Variants in PPP3CA observed in about 807,000 individuals in gnomAD.
The protein encoded by PPP3CA is CAM-PRP catalytic subunit.
A neutral mutation model predicts 66.5 loss-of-function variants in PPP3CA; 14 were observed. That is an observed-to-expected ratio of 0.21 (90% confidence interval 0.14 to 0.33). The LOEUF (loss-of-function observed/expected upper bound fraction) is 0.33, where lower values mean the gene tolerates loss of function less well. Among genes scored for constraint, PPP3CA ranks in the 10% least tolerant of loss-of-function variants. PPP3CA has a pLI of 1.00. For missense variants in PPP3CA, 317 were observed against 639.5 expected, an observed-to-expected ratio of 0.50 and a Z score of 5.44; for synonymous variants, 232 against 226.2, an observed-to-expected ratio of 1.03 and a Z score of -0.23.
intron 1 of PPP3CA, among the ~76,000 whole-genome samples, chr4:101,307,504 T>C (rs1450836701): frequency 1.3e-5 from 2 of 152,184 alleles, no homozygotes; most frequent in Non-Finnish European, 2.9e-5. Flanking sequence ...CTCTAATATA[T>C]ACAGATAAAG....
At chr4:101,243,825 G>A (rs1446680205) in intron 1 of PPP3CA, among the ~76,000 whole-genome samples, 1 of 152,010 alleles carries the variant, frequency 6.6e-6, no homozygotes, top group African/African-American at 2.4e-5. Flanking sequence ...TGTGGTCTTG[G>A]GTAGTTATTC....
intron 1 of PPP3CA, among the ~76,000 whole-genome samples, chr4:101,226,408 C>T (rs1725783390): frequency 6.6e-6 from 1 of 151,684 alleles, no homozygotes; most frequent in African/African-American, 2.4e-5. Flanking sequence ...GGCTTCTGTG[C>T]AATACGTAGT....
At chr4:101,250,600 C>T (rs1222221781) in intron 1 of PPP3CA, among the ~76,000 whole-genome samples, 3 of 152,104 alleles carry the variant, frequency 2.0e-5, no homozygotes, top group African/African-American at 7.2e-5. Flanking sequence ...ATTTTTCCCA[C>T]ATACTTTTGA....
chr4:101,284,040 C>CATATGA (rs1157370084), intron 1 of PPP3CA, among the ~76,000 whole-genome samples: 2 of 152,102 alleles, frequency 1.3e-5, no homozygotes, highest in Non-Finnish European at 2.9e-5. Flanking sequence ...CTATTGACTA[C>CATATGA]CATGCTGGAT....
At chr4:101,076,557 C>T (rs1729200874) in intron 8 of PPP3CA, among the ~76,000 whole-genome samples, 1 of 152,140 alleles carries the variant, frequency 6.6e-6, no homozygotes, top group South Asian at 2.1e-4. Context: ...GAAACGCAGA[C>T]TGGAGTGGGT....
chr4:101,218,760 G>T lies in PPP3CA; in HGVS notation c.59-22644C>A, dbSNP rs559079101. Among the ~76,000 whole-genome samples, 11 of 152,122 alleles carry T rather than the reference G, an allele frequency of 7.2e-5. No individual in the cohort carries two copies. In the East Asian group the frequency reaches 2.1e-3, roughly 29 times the overall value. On this transcript the variant is annotated intron_variant, in intron 1 of 13. Coordinates refer to ENST00000394854, the MANE Select transcript of PPP3CA (RefSeq NM_000944.5). ...GCAAACTACTCTCTGAGAAAAAAAA[G>T]AATAGAGACCTAAAATGAAGTAAAT... is the stretch of plus-strand genomic sequence containing the variant.
chr4:101,032,693 A>G (rs1727033958), intron 11 of PPP3CA, among the ~76,000 whole-genome samples: 1 of 152,178 alleles, frequency 6.6e-6, no homozygotes, highest in Admixed American at 6.5e-5. Context: ...TGCATTCTGT[A>G]TGTTAAAAGT....
intron 2 of PPP3CA, among the ~76,000 whole-genome samples, chr4:101,134,432 G>A (rs1722548586): frequency 1.3e-5 from 2 of 152,180 alleles, no homozygotes; most frequent in Admixed American, 6.5e-5. Context: ...TGAAGGATAT[G>A]AACAGACACT....
intron 1 of PPP3CA, among the ~76,000 whole-genome samples, chr4:101,295,713 T>C (rs1364158792): frequency 6.6e-6 from 1 of 152,240 alleles, no homozygotes; most frequent in Non-Finnish European, 1.5e-5. Context: ...ACCAGATGAT[T>C]AGCAAACTTA....
chr4:101,029,347 T>TAAAAAAAAAAAAA (rs34620032), intron 12 of PPP3CA, 152 bp from the exon 13 acceptor site: 41 of 78,798 alleles, frequency 5.2e-4, no homozygotes, highest in African/African-American at 1.9e-3. Flanking sequence ...ACAGAAATGC[T>TAAAAAAAAAAAAA]AAAAAAAAAA....
intron 2 of PPP3CA, among the ~76,000 whole-genome samples, chr4:101,177,553 G>T (rs183829781): frequency 5.7e-4 from 87 of 152,088 alleles, no homozygotes; most frequent in Admixed American, 1.6e-3. Flanking sequence ...ATGTCAAGAA[G>T]ATCCTAAACA....
chr4:101,140,989 T>C (rs1194597198), intron 2 of PPP3CA, among the ~76,000 whole-genome samples: 1 of 152,238 alleles, frequency 6.6e-6, no homozygotes, highest in Non-Finnish European at 1.5e-5. Context: ...TTTGATTACT[T>C]GCTCATGAGT....
At chr4:101,117,823 T>C (rs1721891775) in intron 2 of PPP3CA, among the ~76,000 whole-genome samples, 1 of 151,950 alleles carries the variant, frequency 6.6e-6, no homozygotes, top group Non-Finnish European at 1.5e-5. Flanking sequence ...CATTATGTAG[T>C]TTACAAGGTC....
At chr4:101,054,652 A>G (rs1310013074) in intron 10 of PPP3CA, among the ~76,000 whole-genome samples, 1 of 152,104 alleles carries the variant, frequency 6.6e-6, no homozygotes. Flanking sequence ...TAACAGCTAG[A>G]CAGAAATAGG....
In PPP3CA at chr4:101,178,311, A is replaced by C. The variant is rs542731608; in HGVS notation, c.259+17605T>G. On this transcript the variant is annotated intron_variant, in intron 2 of 13. Transcript: ENST00000394854. ...TGAATCCATGTTTCAGTTTTACTTTATATGCAAATATTCAGATTTTATTTG... is the reference window on the plus strand; with the variant it reads ...TGAATCCATGTTTCAGTTTTACTTTCTATGCAAATATTCAGATTTTATTTG... Among the ~76,000 whole-genome samples the C allele has an allele frequency of 2.0e-5, 3 of 152,254 alleles. No individual in the cohort carries two copies. The South Asian group carries it at 6.2e-4, about 32-fold the overall frequency.
chr4:101,108,178 T>C (rs1721502416), intron 3 of PPP3CA: 1 of 152,146 alleles, frequency 6.6e-6, no homozygotes, highest in African/African-American at 2.4e-5. Context: ...AGATGACAGG[T>C]GCCAAAAAAG....
intron 5 of PPP3CA, among the ~76,000 whole-genome samples, chr4:101,096,434 A>C (rs1730198827): frequency 6.6e-6 from 1 of 152,230 alleles, no homozygotes; most frequent in Admixed American, 6.5e-5. Context: ...AGAGGTTTAC[A>C]ACCTTTTTGC....
At position 101,164,309 on chromosome 4, in the gene PPP3CA, T is replaced by C. The variant is rs1053282236; in HGVS notation, c.259+31607A>G. On this transcript the variant is annotated intron_variant, in intron 2 of 13. Coordinates refer to ENST00000394854, the MANE Select transcript of PPP3CA (RefSeq NM_000944.5). ...ACATCTTTTATAATTTACTTATTTA[T>C]ACTTTATTGGATTTATTATGTTTTG... 8.5e-5 allele frequency among the ~76,000 whole-genome samples: 13 copies of C among 152,212 alleles called. No individual in the cohort carries two copies. The East Asian group carries it at 2.5e-3, about 29-fold the overall frequency.
chr4:101,124,725 G>GAAAAAGAA (rs1412415941), intron 2 of PPP3CA, among the ~76,000 whole-genome samples: 4 of 58,768 alleles, frequency 6.8e-5, no homozygotes, highest in Non-Finnish European at 1.5e-4. Context: ...AAGAAAGAAA[G>GAAAAAGAA]AGAAAGAAAG....
Sources: allele counts gnomAD v4.1 joint callset (sites outside exome capture counted in the v4.1 genomes callset), GRCh38; gene constraint gnomAD v4.1.1; transcripts MANE v1.5; gene names NCBI Gene and HGNC (gene_info 2026-07-23, HGNC 2026-07-21).